Variants in HIP1R observed in about 807,000 individuals in gnomAD.
HIP1R encodes huntingtin interacting protein 1 related.
Under a neutral mutation model 144.2 loss-of-function variants are expected in HIP1R, and 135 were observed. The ratio of observed to expected loss-of-function variants is 0.94; its 90% confidence interval spans 0.81 to 1.08. The LOEUF is 1.08. HIP1R is among the 50% of genes least tolerant of loss of function. HIP1R has a pLI of 0.00. For missense variants in HIP1R, 1,462 were observed against 1,432.8 expected, an observed-to-expected ratio of 1.02 and a Z score of -0.33; for synonymous variants, 698 against 612.8, an observed-to-expected ratio of 1.14 and a Z score of -2.05.
chr12:122,855,140 A>G lies in HIP1R; in HGVS notation c.852+12A>G, dbSNP rs1391450089. ...CCCGGCTGCCCGAGGTACCACCCCC[A>G]AGAGGGCCCCGAGGCCCTTTGAGGA... On this transcript the variant is annotated intron_variant, in intron 10 of 31. Transcript: ENST00000253083. 1 of 1,613,044 alleles carries G rather than the reference A, an allele frequency of 6.2e-7. No individual in the cohort carries two copies. The highest frequency in any genetic ancestry group is 1.7e-5 in the Admixed American group (1 of 59,992).
intron 1 of HIP1R, among the ~76,000 whole-genome samples, chr12:122,837,089 C>T (rs1302074600): frequency 6.6e-6 from 1 of 152,196 alleles, no homozygotes; most frequent in East Asian, 1.9e-4. Flanking sequence ...GCAGACATAT[C>T]TGGATGTTGT....
chr12:122,850,226 G>T, intron 5 of HIP1R: 1 of 606,230 alleles, frequency 1.6e-6, no homozygotes. Flanking sequence ...AGTCTCTGCT[G>T]TGCTGGCCGG....
In HIP1R at chr12:122,858,419, C is replaced by G; in HGVS notation, c.2034C>G (p.Tyr678Ter). 7 of 1,607,552 alleles carry G rather than the reference C, an allele frequency of 4.4e-6. 1 individual carries two copies. Among genetic ancestry groups the G allele is most frequent in the East Asian group, 2.2e-5 (1 of 44,758 alleles). ...CCCTGGAGGAGGGCCACGCCCAGTA[C>G]CTGACCTCCTTGGCAGGTGAGTGTA... ...VSTLEEGHAQ[Y>*]LTSLADASAL... is the part of the protein sequence containing the mutation. Residue 678 changes from tyrosine to a stop codon, truncating the protein, a stop_gained, in exon 20 of 32, where the codon TAC becomes TAG. Coordinates refer to ENST00000253083, the MANE Select transcript of HIP1R (RefSeq NM_003959.3). LOFTEE classifies it high-confidence loss of function.
At chr12:122,851,384 A>C in intron 7 of HIP1R, 87 bp downstream of exon 7, 5 of 1,141,390 alleles carry the variant, frequency 4.4e-6, no homozygotes, top group Non-Finnish European at 6.1e-6. Flanking sequence ...GACATGAGTG[A>C]TCAGACCAAC....
Position 122,840,233 on chromosome 12 carries a change from C to G in HIP1R, c.93+4590C>G, listed in dbSNP as rs1198522238. Among the ~76,000 whole-genome samples, 1 of 152,220 alleles carries G rather than the reference C, an allele frequency of 6.6e-6. No individual in the cohort carries two copies. The highest frequency in any genetic ancestry group is 1.9e-4 in the East Asian group (1 of 5,194). ...AGGGGCCACCCATCCTTGACCTCCCCCTCCCTGTCTCTGATGTGTTTTGAT... is the reference window on the plus strand; with the variant it reads ...AGGGGCCACCCATCCTTGACCTCCCGCTCCCTGTCTCTGATGTGTTTTGAT... On this transcript the variant is annotated intron_variant, in intron 1 of 31. Coordinates refer to ENST00000253083, the MANE Select transcript of HIP1R (RefSeq NM_003959.3). This position sits in a 1 kb window ranked among gnomAD's most constrained non-coding sequence, Gnocchi z 4.2.
At chr12:122,847,927 A>T in intron 1 of HIP1R, 104 bp from the exon 2 acceptor site, 2 of 1,085,294 alleles carry the variant, frequency 1.8e-6, no homozygotes, top group Non-Finnish European at 2.7e-6. Flanking sequence ...ACTGGCCTTG[A>T]ACCCAGGCAG....
Position 122,857,912 on chromosome 12 carries a change from T to C in HIP1R, c.1816-190T>C, listed in dbSNP as rs531005632. On this transcript the variant is annotated intron_variant, in intron 18 of 31. Transcript: ENST00000253083. ...CTTTTAGGACCTTGAGCTCACGTTT[T>C]AATTGGGTTATCTTTTTATTCTTGA... is the stretch of plus-strand genomic sequence containing the variant. 100 of 459,772 alleles carry C rather than the reference T, an allele frequency of 2.2e-4. No homozygotes were observed. The Middle Eastern group carries it at 2.3e-3, about 10-fold the overall frequency. The allele number at this position is 459,772 out of a possible 1,614,324, so 28.5% of individuals were successfully genotyped here.
At position 122,862,206 on chromosome 12, in the gene HIP1R, C is replaced by G. The variant is rs1487773617; in HGVS notation, c.*453C>G. 6.1e-6 allele frequency: 1 copy of G among 164,054 alleles called. No homozygotes were observed. The highest frequency in any genetic ancestry group is 2.4e-5 in the African/African-American group (1 of 41,678). The allele number at this position is 164,054 out of a possible 1,614,324, so 10.2% of individuals were successfully genotyped here. ...ACACAGCCCGTGCCGGCTGATGGGA[C>G]GAGGGTCAGGCATCCTGTCTGTGGC... On this transcript the variant is annotated 3_prime_UTR_variant, in exon 32 of 32. Coordinates refer to ENST00000253083, the MANE Select transcript of HIP1R (RefSeq NM_003959.3).
Position 122,835,575 on chromosome 12 carries a change from G to A in HIP1R, c.25G>A (p.Ala9Thr), listed in dbSNP as rs1243685520. 1.4e-5 allele frequency: 19 copies of A among 1,354,030 alleles called. No individual in the cohort carries two copies. Among genetic ancestry groups the A allele is most frequent in the Non-Finnish European group, 1.9e-6 (2 of 1,044,648 alleles). The allele number at this position is 1,354,030 out of a possible 1,614,324, so 83.9% of individuals were successfully genotyped here. A position where few individuals can be genotyped will look rare whatever the true frequency, so the allele number is the denominator to read the frequency against. Residue 9 changes from alanine (A) to threonine (T), a missense_variant, in exon 1 of 32, where the codon GCG (alanine) becomes ACG (threonine). Ala to Thr is a moderately conservative substitution (Grantham distance 58). Around this residue, in one of 2 missense-constraint regions of HIP1R, gnomAD observed 350 missense variants for 421.1 expected, o/e 0.83. Coordinates refer to ENST00000253083, the MANE Select transcript of HIP1R (RefSeq NM_003959.3). MNSIKNVPARVLSRRPGHS... is the reference protein window; with the variant it reads MNSIKNVPTRVLSRRPGHS... ...GATGAACAGCATCAAGAACGTGCCG[G>A]CGCGGGTGCTGAGCCGCAGGCCGGG... is the stretch of plus-strand genomic sequence containing the variant.
chr12:122,858,519 TAC>T, intron 20 of HIP1R, 84 bp downstream of exon 20: 1 of 1,162,724 alleles, frequency 8.6e-7, no homozygotes, highest in South Asian at 1.5e-5. Flanking sequence ...TTGGGAGGTT[TAC>T]AGACAGCAGG....
In HIP1R at chr12:122,862,913, C is replaced by T. The variant is rs2135684459; in HGVS notation, c.*1160C>T. On this transcript the variant is annotated 3_prime_UTR_variant, in exon 32 of 32. Transcript: ENST00000253083. ...CCTTGGCTTTGTGTTAGCATTTCCT[C>T]CTGAAGTGTTCTGTTGGCAATAAAA... 6.6e-6 allele frequency: 1 copy of T among 152,306 alleles called. No individual in the cohort carries two copies. The highest frequency in any genetic ancestry group is 1.9e-4 in the East Asian group (1 of 5,188). 9.4% of individuals were successfully genotyped at this position (152,306 alleles called of 1,614,324 possible).
In HIP1R at chr12:122,857,186, G is replaced by A. The variant is rs1460060934; in HGVS notation, c.1786G>A (p.Gly596Ser). The change falls in exon 18 of 32, where the codon GGC becomes AGC. Residue 596 changes from glycine (G) to serine (S), a missense_variant. Around this residue, in one of 2 missense-constraint regions of HIP1R, gnomAD observed 1,112 missense variants for 1,011.7 expected, o/e 1.10. Coordinates refer to ENST00000253083, the MANE Select transcript of HIP1R (RefSeq NM_003959.3). ...GCAGCAGCGCAGCTCCCAGGAGCAGGGCGAGTTGCAGGGCCGGCTGGCAGA... is the reference window on the plus strand; with the variant it reads ...GCAGCAGCGCAGCTCCCAGGAGCAGAGCGAGTTGCAGGGCCGGCTGGCAGA... ...REQQRSSQEQ[G>S]ELQGRLAERE... 9 of 1,550,456 alleles carry A rather than the reference G, an allele frequency of 5.8e-6. No homozygotes were observed. Among genetic ancestry groups the A allele is most frequent in the South Asian group, 1.2e-5 (1 of 84,054 alleles).
intron 8 of HIP1R, 134 bp from the exon 9 acceptor site, chr12:122,854,771 T>G (rs1167297381): frequency 2.4e-6 from 2 of 846,606 alleles, no homozygotes; most frequent in Non-Finnish European, 3.8e-6. Flanking sequence ...CCCATCCCGA[T>G]GGGAGAGCGG....
At chr12:122,856,188 G>A in intron 14 of HIP1R, 25 bp downstream of exon 14, 6 of 1,611,212 alleles carry the variant, frequency 3.7e-6, no homozygotes, top group Non-Finnish European at 4.2e-6. Flanking sequence ...GGCCACAGGG[G>A]TCCAAGGGTG....
intron 1 of HIP1R, among the ~76,000 whole-genome samples, chr12:122,835,865 A>T (rs1315638587): frequency 6.7e-6 from 1 of 149,746 alleles, no homozygotes; most frequent in Non-Finnish European, 1.5e-5. Flanking sequence ...GGTGAACCGG[A>T]AGCCGCGCTC....
At position 122,849,831 on chromosome 12, in the gene HIP1R, G is replaced by A. The variant is rs769872722; in HGVS notation, c.358-44G>A. ...CCCAGGTCCTTGAGGACTCTTGGAC[G>A]TGTTCACGAGCCGTGGCCCCTCACC... On this transcript the variant is annotated intron_variant, in intron 4 of 31. Transcript: ENST00000253083. The A allele has an allele frequency of 1.1e-5, 16 of 1,427,748 alleles. No individual in the cohort carries two copies. The Admixed American group carries it at 1.2e-4, about 11-fold the overall frequency. 88.4% of individuals were successfully genotyped at this position (1,427,748 alleles called of 1,614,324 possible).
chr12:122,858,000 C>T (rs764057834), intron 18 of HIP1R, 102 bp from the exon 19 acceptor site: 51 of 1,059,728 alleles, frequency 4.8e-5, no homozygotes, highest in Non-Finnish European at 6.8e-5. Flanking sequence ...GTGAGGGTCT[C>T]AGCTGGGCTC....
intron 7 of HIP1R, among the ~76,000 whole-genome samples, chr12:122,852,691 G>A (rs1324019361): frequency 6.6e-6 from 1 of 152,232 alleles, no homozygotes; most frequent in African/African-American, 2.4e-5. Flanking sequence ...TGCCTCAGCA[G>A]AGGCTGCGTC....
chr12:122,854,915 G>C lies in HIP1R; in HGVS notation c.729G>C (p.Ala243=). The C allele has an allele frequency of 1.2e-6, 2 of 1,612,786 alleles. No homozygotes were observed. The highest frequency in any genetic ancestry group is 1.7e-6 in the Non-Finnish European group (2 of 1,179,598). ...TGTGCCACCCTCCAGGTCTCCCTGC[G>C]GACACCCTGCAAGGCCACAGGGACC... is the stretch of plus-strand genomic sequence containing the variant. The part of the protein sequence containing the change: ...LLFKLHSCLP[A]DTLQGHRDRF... The change falls in exon 9 of 32, where the codon GCG becomes GCC. Residue 243 remains alanine, a synonymous_variant. Transcript: ENST00000253083.
Sources: gnomAD v4.1 joint callset for allele counts (sites outside exome capture counted in the v4.1 genomes callset) on GRCh38, gnomAD v4.1.1 for gene constraint, gnomAD v4.1.1 regional missense constraint, Gnocchi (gnomAD v3.1) non-coding constraint, MANE v1.5 for transcripts, NCBI Gene and HGNC (gene_info 2026-07-23, HGNC 2026-07-21) for gene names.